Variants in MARCHF1 observed in about 807,000 individuals in gnomAD.
MARCHF1 encodes membrane associated ring-CH-type finger 1, also known as E3 ubiquitin-protein ligase MARCHF1.
MARCHF1 carries 40 observed loss-of-function variants against 54.2 expected under a neutral mutation model. That is an observed-to-expected ratio of 0.74 (90% confidence interval 0.57 to 0.96). The LOEUF (loss-of-function observed/expected upper bound fraction) is 0.96. MARCHF1 is among the 40% of genes least tolerant of loss of function. MARCHF1 has a pLI of 0.00. For synonymous variants in MARCHF1, 236 were observed against 236.3 expected (o/e 1.00, Z 0.01); for missense variants, 586 against 656.5 (o/e 0.89, Z 1.17).
chr4:163,600,671 C>T lies in MARCHF1; in HGVS notation c.1010+11600G>A, dbSNP rs74925229. ...GCAAAACATTTTAATTTGGTTACAC[C>T]CCCAGAGAGTCATGATCTAATTTAG... On this transcript the variant is annotated intron_variant, in intron 7 of 9. Coordinates refer to ENST00000514618, the MANE Select transcript of MARCHF1 (RefSeq NM_001394959.1). Among the ~76,000 whole-genome samples, 844 of 151,970 alleles carry T rather than the reference C, an allele frequency of 5.6e-3. 4 individuals carry two copies. Among genetic ancestry groups the T allele is most frequent in the South Asian group, 0.031 (149 of 4,816 alleles).
At chr4:164,317,112 G>C (rs1735020574) in intron 1 of MARCHF1, among the ~76,000 whole-genome samples, 1 of 152,116 alleles carries the variant, frequency 6.6e-6, no homozygotes, top group Non-Finnish European at 1.5e-5. Context: ...ATGTTTTGAA[G>C]ATGTGAAAAG....
intron 1 of MARCHF1, chr4:164,189,043 T>C: frequency 4.4e-6 from 3 of 689,578 alleles, no homozygotes; most frequent in Non-Finnish European, 7.9e-6. Context: ...CATCCTGTTG[T>C]TCCACCTGGG....
intron 2 of MARCHF1, among the ~76,000 whole-genome samples, chr4:164,099,037 T>C (rs114813741): frequency 1.9e-4 from 29 of 152,336 alleles, no homozygotes; most frequent in African/African-American, 6.7e-4. Flanking sequence ...TGGAAAATCA[T>C]TGAACCTCAG....
At chr4:163,846,401 G>C (rs1249281156) in intron 4 of MARCHF1, among the ~76,000 whole-genome samples, 2 of 152,100 alleles carry the variant, frequency 1.3e-5, no homozygotes, top group Non-Finnish European at 2.9e-5. Context: ...TATGTTTGCG[G>C]GGCAATTCTG....
At chr4:163,724,666 G>A in intron 4 of MARCHF1, among the ~76,000 whole-genome samples, 1 of 152,178 alleles carries the variant, frequency 6.6e-6, no homozygotes, top group East Asian at 1.9e-4. Context: ...CCCAGTTCAA[G>A]CTTCCTGCCA....
Position 163,975,294 on chromosome 4 carries a change from C to G in MARCHF1, c.-39+13207G>C, listed in dbSNP as rs2110851106. 1.3e-5 allele frequency among the ~76,000 whole-genome samples: 2 copies of G among 151,402 alleles called. 1 individual carries two copies. Among genetic ancestry groups the G allele is most frequent in the African/African-American group, 4.8e-5 (2 of 41,246 alleles). On this transcript the variant is annotated intron_variant, in intron 3 of 9. Coordinates refer to ENST00000514618, the MANE Select transcript of MARCHF1 (RefSeq NM_001394959.1). ...GCAGACTTTGAGAAGAAATTATTAT[C>G]AAAGGCTTAACAAAGAGTGAGCATT...
chr4:163,957,718 T>C (rs150719062), intron 3 of MARCHF1, among the ~76,000 whole-genome samples: 11 of 152,146 alleles, frequency 7.2e-5, no homozygotes, highest in African/African-American at 2.4e-4. Flanking sequence ...ATTTAAGTCA[T>C]TGTTGACAAT....
chr4:164,344,582 C>G (rs535394034), intron 1 of MARCHF1, among the ~76,000 whole-genome samples: 4 of 152,080 alleles, frequency 2.6e-5, no homozygotes, highest in African/African-American at 9.6e-5. Flanking sequence ...TGTCAACACT[C>G]TGCTGTGTTA....
At chr4:164,376,354 A>T (rs1005127120) in intron 1 of MARCHF1, among the ~76,000 whole-genome samples, 2 of 152,138 alleles carry the variant, frequency 1.3e-5, no homozygotes, top group Admixed American at 6.5e-5. Flanking sequence ...ATTGTAATGG[A>T]TGTAGCTTAT....
chr4:164,099,906 G>C lies in MARCHF1; in HGVS notation c.-248+11682C>G, dbSNP rs1028268823. 1.3e-4 allele frequency among the ~76,000 whole-genome samples: 20 copies of C among 152,024 alleles called. 1 individual carries two copies. The highest frequency in any genetic ancestry group is 1.5e-5 in the Non-Finnish European group (1 of 67,964). On this transcript the variant is annotated intron_variant, in intron 2 of 9. Transcript: ENST00000514618. ...GCAAGTGATAATAATTATGAACAAGGAAGAAGAAATAAGTGTATCTCTTGT... is the reference window on the plus strand; with the variant it reads ...GCAAGTGATAATAATTATGAACAAGCAAGAAGAAATAAGTGTATCTCTTGT...
chr4:163,698,756 C>A (rs116033503), intron 5 of MARCHF1, among the ~76,000 whole-genome samples: 1 of 152,042 alleles, frequency 6.6e-6, no homozygotes, highest in Non-Finnish European at 1.5e-5. Flanking sequence ...TATAATTTCA[C>A]CCCTAGATCA....
At chr4:163,590,491 C>T (rs1170613107) in intron 7 of MARCHF1, among the ~76,000 whole-genome samples, 1 of 152,098 alleles carries the variant, frequency 6.6e-6, no homozygotes. Flanking sequence ...GACTGTGTTC[C>T]TTCCATCAGG....
At chr4:163,610,625 T>C (rs1579110278) in intron 7 of MARCHF1, among the ~76,000 whole-genome samples, 1 of 152,244 alleles carries the variant, frequency 6.6e-6, no homozygotes, top group East Asian at 1.9e-4. Context: ...CCATTCAGAC[T>C]AGAAAGAGTG....
intron 1 of MARCHF1, among the ~76,000 whole-genome samples, chr4:164,297,148 G>C (rs762278073): frequency 1.3e-5 from 2 of 152,082 alleles, no homozygotes; most frequent in Non-Finnish European, 2.9e-5. Flanking sequence ...AAAAATGGTA[G>C]GTACTATTAA....
At chr4:164,073,909 T>G (rs1300375312) in intron 2 of MARCHF1, among the ~76,000 whole-genome samples, 1 of 152,042 alleles carries the variant, frequency 6.6e-6, no homozygotes, top group Admixed American at 6.6e-5. Flanking sequence ...GTTCAAGAGA[T>G]TCTCCTGCCT....
intron 4 of MARCHF1, among the ~76,000 whole-genome samples, chr4:163,722,545 T>A (rs1049901751): frequency 3.9e-5 from 6 of 152,218 alleles, no homozygotes; most frequent in Non-Finnish European, 8.8e-5. Context: ...GTCTATTAGG[T>A]CCACTTGGTG....
intron 1 of MARCHF1, among the ~76,000 whole-genome samples, chr4:164,146,518 G>A (rs1729747073): frequency 6.6e-6 from 1 of 152,096 alleles, no homozygotes; most frequent in Non-Finnish European, 1.5e-5. Flanking sequence ...AAATAACGCT[G>A]CATATCTACA....
At chr4:163,742,949 C>G (rs5012631) in intron 4 of MARCHF1, among the ~76,000 whole-genome samples, 54,508 of 151,754 alleles carry the variant, frequency 0.36, 10,544 homozygotes, top group Non-Finnish European at 0.45. Context: ...TTCATATTAT[C>G]TCTGGAATTG....
chr4:163,632,199 TA>T (rs1194649746), intron 5 of MARCHF1, among the ~76,000 whole-genome samples: 1 of 152,198 alleles, frequency 6.6e-6, no homozygotes, highest in South Asian at 2.1e-4. Flanking sequence ...ATGGTTTGAA[TA>T]TTTGTCCACT....
Sources: gnomAD v4.1 joint callset for allele counts (sites outside exome capture counted in the v4.1 genomes callset) on GRCh38, gnomAD v4.1.1 for gene constraint, MANE v1.5 for transcripts, NCBI Gene and HGNC (gene_info 2026-07-23, HGNC 2026-07-21) for gene names.